ATG2B: variants seen among roughly 807,000 people sequenced by gnomAD.
The protein encoded by ATG2B is autophagy related 2B, also known as autophagy-related protein 2 homolog B.
A neutral mutation model predicts 241.3 loss-of-function variants in ATG2B; 121 were observed. The observed-to-expected ratio is 0.50, with a 90% CI of 0.43 to 0.58. The LOEUF is 0.58. Ranked by LOEUF, ATG2B falls within the 20% of genes least tolerant of loss-of-function variation. The pLI is 0.00. For synonymous variants in ATG2B, 858 were observed against 876.6 expected, an observed-to-expected ratio of 0.98 and a Z score of 0.37; for missense variants, 2,306 against 2,491.6, an observed-to-expected ratio of 0.93 and a Z score of 1.59.
rs141081900 is a variant in ATG2B at position 96,352,614 on chromosome 14, TA to T, written c.163-5274del. On this transcript the variant is annotated intron_variant, in intron 1 of 41. Transcript: ENST00000359933. ...GTTTTTGACAAAAAAGTTTAAAAATTAAAAAAAAAAATTAAAAATACAAAAA... is the reference window on the plus strand; with the variant it reads ...GTTTTTGACAAAAAAGTTTAAAAATTAAAAAAAAAATTAAAAATACAAAAA... Among the ~76,000 whole-genome samples, 838 of 144,384 alleles carry T rather than the reference TA, an allele frequency of 5.8e-3. 26 individuals are homozygous for T. In the South Asian group the frequency reaches 0.069, roughly 12 times the overall value. 94.7% of individuals were successfully genotyped at this position (144,384 alleles called of 152,430 possible).
At chr14:96,299,517 A>G (rs1299284) in intron 34 of ATG2B, among the ~76,000 whole-genome samples, 113,772 of 152,174 alleles carry the variant, frequency 0.75, 42,767 homozygotes, top group African/African-American at 0.81. Context: ...CATTCACCAA[A>G]TGGTCTTGAA....
intron 11 of ATG2B, 84 bp downstream of exon 11, chr14:96,331,292 A>G: frequency 7.5e-7 from 1 of 1,338,742 alleles, no homozygotes; most frequent in Non-Finnish European, 1.0e-6. Flanking sequence ...AGGCAGATAC[A>G]AAAGTCCACA....
intron 1 of ATG2B, among the ~76,000 whole-genome samples, chr14:96,354,987 G>A (rs564256167): frequency 5.3e-5 from 8 of 152,018 alleles, no homozygotes; most frequent in African/African-American, 1.9e-4. Flanking sequence ...TTTTTAATGG[G>A]GTTGTTTTTT....
Position 96,317,728 on chromosome 14 carries a change from A to G in ATG2B, c.3007T>C (p.Phe1003Leu). ...QLINTFNKDSFSAFKSAVHYD... is the reference protein window; with the variant it reads ...QLINTFNKDSLSAFKSAVHYD... Reference sequence around the variant, plus strand: ...TGAACTGCAGATTTAAATGCACTAAAACTATCTTTGTTGAAAGTATTAATG... The same window carrying G: ...TGAACTGCAGATTTAAATGCACTAAGACTATCTTTGTTGAAAGTATTAATG... The change falls in exon 19 of 42, where the codon TTT becomes CTT. Residue 1003 changes from phenylalanine to leucine, a missense_variant. Phe to Leu is a conservative substitution (Grantham distance 22). Transcript: ENST00000359933. The G allele has an allele frequency of 6.2e-7, 1 of 1,611,458 alleles. No homozygotes were observed. Among genetic ancestry groups the G allele is most frequent in the Non-Finnish European group, 8.5e-7 (1 of 1,178,432 alleles).
chr14:96,322,394 G>GA (rs1225137360), intron 17 of ATG2B, 140 bp from the exon 18 acceptor site: 20 of 1,281,000 alleles, frequency 1.6e-5, no homozygotes, highest in South Asian at 3.0e-5. Context: ...TATACACCAA[G>GA]AAAAAATAGG....
At chr14:96,308,797 T>A (rs1402062282) in intron 29 of ATG2B, among the ~76,000 whole-genome samples, 1 of 152,078 alleles carries the variant, frequency 6.6e-6, no homozygotes, top group African/African-American at 2.4e-5. Context: ...TAGAAGAAAA[T>A]ACTGTTGAAA....
chr14:96,359,037 A>G (rs1206069460), intron 1 of ATG2B, among the ~76,000 whole-genome samples: 1 of 152,210 alleles, frequency 6.6e-6, no homozygotes, highest in Non-Finnish European at 1.5e-5. Flanking sequence ...AAACACCAAG[A>G]GAATATAAGC....
chr14:96,312,551 G>A (rs1468751312), intron 25 of ATG2B, among the ~76,000 whole-genome samples: 1 of 152,058 alleles, frequency 6.6e-6, no homozygotes. Flanking sequence ...CAACTAGCCT[G>A]GGCAACACAG....
At position 96,281,694 on chromosome 14, in the gene ATG2B, T is replaced by C. The variant is rs540062611; in HGVS notation, c.*4061A>G. ...AGGGAGGTGCTGCTACCCGGGACAT[T>C]AGAGATATAACTGAGCCAGCTGAGA... On this transcript the variant is annotated 3_prime_UTR_variant, in exon 42 of 42. Coordinates refer to ENST00000359933, the MANE Select transcript of ATG2B (RefSeq NM_018036.7). 6.6e-6 allele frequency: 1 copy of C among 152,212 alleles called. No homozygotes were observed. The highest frequency in any genetic ancestry group is 1.5e-5 in the Non-Finnish European group (1 of 68,034). The allele number at this position is 152,212 out of a possible 1,614,324, so 9.4% of individuals were successfully genotyped here. A position where few individuals can be genotyped will look rare whatever the true frequency, so the allele number is the denominator to read the frequency against.
Position 96,289,353 on chromosome 14 carries a change from A to C in ATG2B, c.6006+303T>G, listed in dbSNP as rs932549524. 8.3e-6 allele frequency: 2 copies of C among 241,058 alleles called. No individual in the cohort carries two copies. The highest frequency in any genetic ancestry group is 1.8e-4 in the South Asian group (2 of 11,244). The allele number at this position is 241,058 out of a possible 1,614,324, so 14.9% of individuals were successfully genotyped here. A position where few individuals can be genotyped will look rare whatever the true frequency, so the allele number is the denominator to read the frequency against. Reference sequence around the variant, plus strand: ...TCTGAGGTAAGCAGGGCAGAGTATAAATGTGTTAAACCTAGACAGCGATCA... The same window carrying C: ...TCTGAGGTAAGCAGGGCAGAGTATACATGTGTTAAACCTAGACAGCGATCA... On this transcript the variant is annotated intron_variant, in intron 41 of 41. Transcript: ENST00000359933. The surrounding 1 kb of genome is among the most constrained non-coding windows in gnomAD (Gnocchi z 4.3).
Position 96,279,625 on chromosome 14 carries a change from A to C in ATG2B, c.*6130T>G, listed in dbSNP as rs1316213979. 6 of 152,400 alleles carry C rather than the reference A, an allele frequency of 3.9e-5. No homozygotes were observed. Among genetic ancestry groups the C allele is most frequent in the African/African-American group, 1.4e-4 (6 of 41,474 alleles). The allele number at this position is 152,400 out of a possible 1,614,324, so 9.4% of individuals were successfully genotyped here. A position where few individuals can be genotyped will look rare whatever the true frequency, so the allele number is the denominator to read the frequency against. Reference sequence around the variant, plus strand: ...AAACAGAGAGGAAGGGAGGGTGGCCAGGCTGCCTGAAGTGGAGCCTCCGGG... The same window carrying C: ...AAACAGAGAGGAAGGGAGGGTGGCCCGGCTGCCTGAAGTGGAGCCTCCGGG... On this transcript the variant is annotated 3_prime_UTR_variant, in exon 42 of 42. Transcript: ENST00000359933.
Position 96,341,712 on chromosome 14 carries a change from G to C in ATG2B, c.745-11C>G. On this transcript the variant is annotated splice_polypyrimidine_tract_variant and intron_variant, in intron 5 of 41. Coordinates refer to ENST00000359933, the MANE Select transcript of ATG2B (RefSeq NM_018036.7). ...CTTTGGCTCAGTTTCCTACAATAAAGTGACAAAAATAATTATTTAAAATAC... is the reference window on the plus strand; with the variant it reads ...CTTTGGCTCAGTTTCCTACAATAAACTGACAAAAATAATTATTTAAAATAC... 1 of 1,508,846 alleles carries C rather than the reference G, an allele frequency of 6.6e-7. No homozygotes were observed. The highest frequency in any genetic ancestry group is 1.4e-5 in the South Asian group (1 of 72,048). 93.5% of individuals were successfully genotyped at this position (1,508,846 alleles called of 1,614,324 possible).
intron 1 of ATG2B, among the ~76,000 whole-genome samples, chr14:96,359,897 A>AC (rs1888578406): frequency 6.6e-6 from 1 of 152,238 alleles, no homozygotes; most frequent in Admixed American, 6.5e-5. Context: ...AGTTGTACTT[A>AC]TATTTAATAT....
chr14:96,304,858 G>T (rs1886894320), intron 31 of ATG2B, among the ~76,000 whole-genome samples: 1 of 152,082 alleles, frequency 6.6e-6, no homozygotes, highest in Admixed American at 6.5e-5. Flanking sequence ...AGCTAATTAT[G>T]ATGCTGGGAT....
chr14:96,341,399 G>A (rs1344796542), intron 6 of ATG2B, 123 bp downstream of exon 6: 6 of 679,994 alleles, frequency 8.8e-6, no homozygotes, highest in South Asian at 4.5e-5. Context: ...ATGCTAACTC[G>A]GTGACAGCAG....
At chr14:96,346,132 G>A (rs1435422000) in intron 2 of ATG2B, among the ~76,000 whole-genome samples, 1 of 152,112 alleles carries the variant, frequency 6.6e-6, no homozygotes, top group Non-Finnish European at 1.5e-5. Flanking sequence ...AAATGTGGCA[G>A]AAGTAGTAGA....
At chr14:96,312,290 T>C in intron 25 of ATG2B, 131 bp from the exon 26 acceptor site, 1 of 643,046 alleles carries the variant, frequency 1.6e-6, no homozygotes, top group Non-Finnish European at 2.7e-6. Context: ...AGTTTCTAAC[T>C]TATAACTGTC....
At chr14:96,300,513 T>C (rs1415506584) in intron 34 of ATG2B, among the ~76,000 whole-genome samples, 1 of 152,108 alleles carries the variant, frequency 6.6e-6, no homozygotes, top group African/African-American at 2.4e-5. Context: ...AGTGAGACAC[T>C]GTGGCGGGGG....
rs1330401715 is a variant in ATG2B at position 96,311,244 on chromosome 14, T to C, written c.4034A>G (p.His1345Arg). The C allele has an allele frequency of 2.5e-6, 4 of 1,613,888 alleles. No homozygotes were observed. Among genetic ancestry groups the C allele is most frequent in the Non-Finnish European group, 1.7e-6 (2 of 1,179,944 alleles). The change falls in exon 28 of 42, where the codon CAT becomes CGT. Residue 1345 changes from histidine (H) to arginine (R), a missense_variant. By Grantham distance (29) the His-to-Arg change is conservative. Transcript: ENST00000359933. ...FELHCSSDVV[H>R]IRTCSDSCAA... ...ACAAGAGTCTGAGCACGTTCTGATA[T>C]GGACAACATCGCTGGAACAGTGTAA...
Sources: gnomAD v4.1 joint callset for allele counts (sites outside exome capture counted in the v4.1 genomes callset) on GRCh38, gnomAD v4.1.1 for gene constraint, Gnocchi (gnomAD v3.1) non-coding constraint, MANE v1.5 for transcripts, NCBI Gene and HGNC (gene_info 2026-07-23, HGNC 2026-07-21) for gene names.